The following SEL1L3 variants were observed in gnomAD, a reference collection of about 807,000 sequenced individuals.
The protein encoded by SEL1L3 is SEL1L family member 3.
In SEL1L3, 76 loss-of-function variants were observed where a neutral mutation model predicts 142.8. The ratio of observed to expected loss-of-function variants is 0.53; its 90% confidence interval spans 0.44 to 0.64. SEL1L3 has a LOEUF of 0.64. Among genes scored for constraint, SEL1L3 ranks in the 30% least tolerant of loss-of-function variants. SEL1L3 has a pLI of 0.00. For missense variants in SEL1L3, 1,262 were observed against 1,381.7 expected, an observed-to-expected ratio of 0.91 and a Z score of 1.37; for synonymous variants, 504 against 519.6, an observed-to-expected ratio of 0.97 and a Z score of 0.41.
At chr4:25,739,617 G>C in the SEL1L3 span, among the ~76,000 whole-genome samples, 62,462 of 151,526 alleles carry the variant, frequency 0.41, 14,455 homozygotes, top group East Asian at 0.67. Flanking sequence ...TGAGGCAGGA[G>C]AATTGCTTGA....
chr4:25,798,057 G>C lies in SEL1L3; in HGVS notation c.1956+4226C>G, dbSNP rs149926267. On this transcript the variant is annotated intron_variant, in intron 11 of 23. Coordinates refer to ENST00000399878, the MANE Select transcript of SEL1L3 (RefSeq NM_015187.5). ...AGCAGACAGGCAAGGTCAGGAGGTG[G>C]GAACAGCCAGGCCTGGCCAAAAGTT... Among the ~76,000 whole-genome samples the C allele has an allele frequency of 2.4e-3, 369 of 152,274 alleles. 1 individual carries two copies. Among genetic ancestry groups the C allele is most frequent in the African/African-American group, 8.3e-3 (344 of 41,558 alleles).
chr4:25,793,198 C>T (rs1057085796), intron 11 of SEL1L3, among the ~76,000 whole-genome samples: 1 of 152,138 alleles, frequency 6.6e-6, no homozygotes, highest in Admixed American at 6.5e-5. Context: ...GGTTGTGGGG[C>T]CCACATCCTT....
downstream of SEL1L3, among the ~76,000 whole-genome samples, chr4:25,744,839 G>T (rs921593231): frequency 6.6e-6 from 1 of 152,206 alleles, no homozygotes; most frequent in Non-Finnish European, 1.5e-5. Context: ...GACACCGAAA[G>T]GTGACGGCCA....
intron 9 of SEL1L3, among the ~76,000 whole-genome samples, chr4:25,805,422 G>A (rs1713489149): frequency 6.6e-6 from 1 of 152,192 alleles, no homozygotes; most frequent in South Asian, 2.1e-4. Context: ...ACAAAGGCTG[G>A]CAAGAGGCAG....
intron 23 of SEL1L3, among the ~76,000 whole-genome samples, chr4:25,751,506 T>C (rs1717586396): frequency 6.6e-6 from 1 of 151,844 alleles, no homozygotes. Flanking sequence ...TGAGTGACCC[T>C]AGGACCACCC....
At chr4:25,782,908 T>C (rs1180650891) in intron 14 of SEL1L3, among the ~76,000 whole-genome samples, 1 of 152,144 alleles carries the variant, frequency 6.6e-6, no homozygotes, top group Non-Finnish European at 1.5e-5. Context: ...ACAGCACAGG[T>C]GCTCTCTCTT....
At chr4:25,811,206 AC>A (rs1713996386) in intron 9 of SEL1L3, among the ~76,000 whole-genome samples, 1 of 152,198 alleles carries the variant, frequency 6.6e-6, no homozygotes, top group Non-Finnish European at 1.5e-5. Context: ...CAACTAGATT[AC>A]AGATCATATG....
chr4:25,777,532 GA>G (rs764010018), intron 16 of SEL1L3: 8 of 243,856 alleles, frequency 3.3e-5, no homozygotes, highest in Admixed American at 5.2e-5. Flanking sequence ...AGCAAGTTCA[GA>G]AAGTGCACTC....
rs181172150 is a variant in SEL1L3 at position 25,825,778 on chromosome 4, G to A, written c.1158-3650C>T. ...CAACCTCTGCCTCCTGGGTTCAAGCGATTCTCCTGCCTCAGCCTCCCGAGT... is the reference window on the plus strand; with the variant it reads ...CAACCTCTGCCTCCTGGGTTCAAGCAATTCTCCTGCCTCAGCCTCCCGAGT... On this transcript the variant is annotated intron_variant, in intron 6 of 23. Transcript: ENST00000399878. Among the ~76,000 whole-genome samples, 408 of 146,642 alleles carry A rather than the reference G, an allele frequency of 2.8e-3. 2 individuals carry two copies. The highest frequency in any genetic ancestry group is 9.4e-3 in the African/African-American group (373 of 39,598).
chr4:25,792,261 C>T (rs2109196220), intron 11 of SEL1L3, among the ~76,000 whole-genome samples: 1 of 152,318 alleles, frequency 6.6e-6, no homozygotes, highest in African/African-American at 2.4e-5. Context: ...ATCACTGTCC[C>T]CAGTTTACAG....
At chr4:25,732,457 C>T in the SEL1L3 span, among the ~76,000 whole-genome samples, 42 of 152,310 alleles carry the variant, frequency 2.8e-4, no homozygotes, top group Admixed American at 2.7e-3. Context: ...TTTTACATTT[C>T]CACCAACAGT....
chr4:25,823,154 A>C (rs1714879104), intron 6 of SEL1L3, among the ~76,000 whole-genome samples: 1 of 152,232 alleles, frequency 6.6e-6, no homozygotes. Flanking sequence ...GCTTGGGAGC[A>C]AGATATTTAA....
Position 25,757,764 on chromosome 4 carries a change from G to A in SEL1L3, c.3110C>T (p.Ser1037Phe), listed in dbSNP as rs375716082. The change falls in exon 22 of 24, where the codon TCC becomes TTC. Residue 1037 changes from serine to phenylalanine, a missense_variant. Coordinates refer to ENST00000399878, the MANE Select transcript of SEL1L3 (RefSeq NM_015187.5). ...ERCWSHSNEESFSPCSLAWLY... is the reference protein window; with the variant it reads ...ERCWSHSNEEFFSPCSLAWLY... ...CCAGGCCAAGGAGCAGGGGCTGAAG[G>A]ACTCCTCGTTACTGTGGCTCCAGCA... 3.1e-6 allele frequency: 5 copies of A among 1,589,378 alleles called. No individual in the cohort carries two copies.
chr4:25,742,970 G>C (rs910633923), downstream of SEL1L3, among the ~76,000 whole-genome samples: 1 of 152,158 alleles, frequency 6.6e-6, no homozygotes, highest in Non-Finnish European at 1.5e-5. Context: ...AAGTCATTAA[G>C]AATGAAGAGA....
intron 9 of SEL1L3, among the ~76,000 whole-genome samples, chr4:25,814,211 T>G (rs1418097883): frequency 6.6e-6 from 1 of 152,164 alleles, no homozygotes; most frequent in East Asian, 1.9e-4. Context: ...TTAATGCCCT[T>G]TGGGGAAACT....
chr4:25,851,439 C>A (rs1716888207), intron 1 of SEL1L3, among the ~76,000 whole-genome samples: 1 of 152,106 alleles, frequency 6.6e-6, no homozygotes, highest in South Asian at 2.1e-4. Flanking sequence ...TGTATAGTCA[C>A]TTGAATACAC....
rs1717330709 is a variant in SEL1L3 at position 25,747,724 on chromosome 4, T to C, written c.*701A>G. 1 of 152,622 alleles carries C rather than the reference T, an allele frequency of 6.6e-6. No homozygotes were observed. The highest frequency in any genetic ancestry group is 1.5e-5 in the Non-Finnish European group (1 of 68,080). 9.5% of individuals were successfully genotyped at this position (152,622 alleles called of 1,614,324 possible). On this transcript the variant is annotated 3_prime_UTR_variant, in exon 24 of 24. Transcript: ENST00000399878. ...CTAACGTGTAATTCATGGAGAAGAC[T>C]ACAGTTAAGTACTAAGAATCTTCTA...
intron 20 of SEL1L3, chr4:25,759,293 T>A: frequency 2.0e-6 from 1 of 491,126 alleles, no homozygotes; most frequent in Non-Finnish European, 3.6e-6. Flanking sequence ...GTGTCCCATC[T>A]GCTCCGAAGC....
At chr4:25,850,253 C>T (rs1716795175) in intron 1 of SEL1L3, among the ~76,000 whole-genome samples, 1 of 152,150 alleles carries the variant, frequency 6.6e-6, no homozygotes, top group Non-Finnish European at 1.5e-5. Flanking sequence ...TGGTGTCTCC[C>T]TTTTAAAGCA....
Sources: allele counts gnomAD v4.1 joint callset (sites outside exome capture counted in the v4.1 genomes callset), GRCh38; gene constraint gnomAD v4.1.1; transcripts MANE v1.5; gene names NCBI Gene and HGNC (gene_info 2026-07-23, HGNC 2026-07-21).